GNAQ: variants seen among roughly 807,000 people sequenced by gnomAD.
GNAQ encodes the protein guanine nucleotide-binding protein G(q) subunit alpha.
Under a neutral mutation model 43.9 loss-of-function variants are expected in GNAQ, and 8 were observed. That is an observed-to-expected ratio of 0.18 (90% confidence interval 0.11 to 0.33). The LOEUF (loss-of-function observed/expected upper bound fraction) is 0.33, where lower values mean the gene tolerates loss of function less well. Among genes scored for constraint, GNAQ ranks in the 10% least tolerant of loss-of-function variants. The pLI is 1.00. For missense variants in GNAQ, 158 were observed against 450.8 expected, an observed-to-expected ratio of 0.35 and a Z score of 5.88; for synonymous variants, 155 against 170.7, an observed-to-expected ratio of 0.91 and a Z score of 0.71.
At chr9:78,001,182 G>C (rs1215132693) in intron 1 of GNAQ, among the ~76,000 whole-genome samples, 2 of 152,122 alleles carry the variant, frequency 1.3e-5, no homozygotes, top group South Asian at 2.1e-4. Flanking sequence ...CAGATCACTT[G>C]AGGTCAGGAG....
At chr9:77,950,976 C>A (rs556808897) in intron 1 of GNAQ, among the ~76,000 whole-genome samples, 1 of 151,496 alleles carries the variant, frequency 6.6e-6, no homozygotes, top group African/African-American at 2.4e-5. Context: ...AAGCTACATT[C>A]TTTAGATAAG....
At chr9:77,839,964 G>T (rs1449308898) in intron 2 of GNAQ, among the ~76,000 whole-genome samples, 1 of 152,140 alleles carries the variant, frequency 6.6e-6, no homozygotes, top group Non-Finnish European at 1.5e-5. Context: ...TTGAACTTTG[G>T]ACTGTTTTAT....
chr9:77,727,275 C>T (rs1825411617), intron 6 of GNAQ, among the ~76,000 whole-genome samples: 1 of 152,102 alleles, frequency 6.6e-6, no homozygotes, highest in African/African-American at 2.4e-5. Context: ...ACCTCAGTCT[C>T]CCAAAGTGCT....
intron 3 of GNAQ, among the ~76,000 whole-genome samples, chr9:77,806,466 A>G (rs894117588): frequency 6.6e-6 from 1 of 152,206 alleles, no homozygotes; most frequent in African/African-American, 2.4e-5. Context: ...CTTTGCCTTT[A>G]GGGATTTCAG....
chr9:77,973,854 A>G (rs1174426318), intron 1 of GNAQ, among the ~76,000 whole-genome samples: 1 of 152,168 alleles, frequency 6.6e-6, no homozygotes, highest in African/African-American at 2.4e-5. Context: ...CTTCATGTTC[A>G]ATCTTAGAGA....
intron 5 of GNAQ, among the ~76,000 whole-genome samples, chr9:77,787,350 C>T (rs1001627967): frequency 2.0e-5 from 3 of 152,212 alleles, no homozygotes; most frequent in African/African-American, 7.2e-5. Flanking sequence ...TGGCAAAGTT[C>T]TGTTTCTTGA....
At chr9:77,962,831 G>A (rs2118426845) in intron 1 of GNAQ, among the ~76,000 whole-genome samples, 1 of 146,548 alleles carries the variant, frequency 6.8e-6, no homozygotes, top group South Asian at 2.2e-4. Flanking sequence ...GGCAGAGGTT[G>A]CAGTGAGCCA....
At chr9:77,831,390 C>G (rs893063037) in intron 2 of GNAQ, among the ~76,000 whole-genome samples, 1 of 152,166 alleles carries the variant, frequency 6.6e-6, no homozygotes, top group African/African-American at 2.4e-5. Flanking sequence ...TAGTATCCCA[C>G]ACCAAAATCA....
In GNAQ at chr9:77,718,316, C is replaced by T; in HGVS notation, c.*3007G>A. 1 of 232,422 alleles carries T rather than the reference C, an allele frequency of 4.3e-6. No individual in the cohort carries two copies. Among genetic ancestry groups the T allele is most frequent in the Non-Finnish European group, 8.5e-6 (1 of 117,528 alleles). The allele number at this position is 232,422 out of a possible 1,614,324, so 14.4% of individuals were successfully genotyped here. A position where few individuals can be genotyped will look rare whatever the true frequency, so the allele number is the denominator to read the frequency against. On this transcript the variant is annotated 3_prime_UTR_variant, in exon 7 of 7. Transcript: ENST00000286548. ...GTTTTTATACAAAACTGAAAAGAATCCCGTCCCGCCCCTAGCCCCTTCAAT... is the reference window on the plus strand; with the variant it reads ...GTTTTTATACAAAACTGAAAAGAATTCCGTCCCGCCCCTAGCCCCTTCAAT...
intron 2 of GNAQ, among the ~76,000 whole-genome samples, chr9:77,870,617 G>A (rs369800369): frequency 4.6e-5 from 7 of 151,718 alleles, no homozygotes; most frequent in Admixed American, 1.3e-4. Context: ...GAGCCACCGC[G>A]CCCCGCCTTT....
intron 5 of GNAQ, among the ~76,000 whole-genome samples, chr9:77,748,491 G>A (rs924134584): frequency 6.6e-6 from 1 of 152,210 alleles, no homozygotes; most frequent in African/African-American, 2.4e-5. Flanking sequence ...CCTTCTGCAA[G>A]CACTACAGTA....
At chr9:77,753,100 A>AG (rs1361237233) in intron 5 of GNAQ, among the ~76,000 whole-genome samples, 1 of 151,468 alleles carries the variant, frequency 6.6e-6, no homozygotes, top group Non-Finnish European at 1.5e-5. Context: ...AAAAAAAAAA[A>AG]AAAAAAGAAA....
intron 5 of GNAQ, 21 bp downstream of exon 5, chr9:77,794,442 G>A (rs776746152): frequency 6.5e-7 from 1 of 1,531,166 alleles, no homozygotes. Context: ...ATAATCCATT[G>A]CCTGTCTAAA....
At chr9:77,791,814 T>C (rs1240376568) in intron 5 of GNAQ, among the ~76,000 whole-genome samples, 1 of 152,118 alleles carries the variant, frequency 6.6e-6, no homozygotes, top group Non-Finnish European at 1.5e-5. Flanking sequence ...CACAAATATA[T>C]ACCAAGGGAG....
chr9:77,962,892 CAAAA>C (rs538653191), intron 1 of GNAQ, among the ~76,000 whole-genome samples: 1 of 55,238 alleles, frequency 1.8e-5, no homozygotes, highest in Non-Finnish European at 3.7e-5. Flanking sequence ...AACTTAGTCT[CAAAA>C]AAAAAAAAAA....
rs999531515 is a variant in GNAQ at position 77,815,878 on chromosome 9, G to C, written c.322-108C>G. 4 of 664,784 alleles carry C rather than the reference G, an allele frequency of 6.0e-6. No homozygotes were observed. In the African/African-American group the frequency reaches 7.4e-5, roughly 12 times the overall value. 41.2% of individuals were successfully genotyped at this position (664,784 alleles called of 1,614,324 possible). On this transcript the variant is annotated intron_variant, in intron 2 of 6. Coordinates refer to ENST00000286548, the MANE Select transcript of GNAQ (RefSeq NM_002072.5). ...CAGGTAACACCTTCCTTCATATACT[G>C]GTCTTTACACTGGTTTACAATAAAG... is the stretch of plus-strand genomic sequence containing the variant.
At chr9:77,792,388 T>C (rs1826589449) in intron 5 of GNAQ, among the ~76,000 whole-genome samples, 1 of 152,170 alleles carries the variant, frequency 6.6e-6, no homozygotes. Flanking sequence ...TCTTAGTACC[T>C]GTACATTGAA....
At chr9:77,953,327 A>G (rs959670946) in intron 1 of GNAQ, among the ~76,000 whole-genome samples, 1 of 152,228 alleles carries the variant, frequency 6.6e-6, no homozygotes, top group Non-Finnish European at 1.5e-5. Flanking sequence ...CATGTCTCTC[A>G]ACAAAATCAT....
chr9:77,830,418 T>C (rs1239720022), intron 2 of GNAQ, among the ~76,000 whole-genome samples: 1 of 152,192 alleles, frequency 6.6e-6, no homozygotes, highest in African/African-American at 2.4e-5. Context: ...ATTTAATGCA[T>C]GGAGTAACAA....
Sources: gnomAD v4.1 joint callset for allele counts (sites outside exome capture counted in the v4.1 genomes callset) on GRCh38, gnomAD v4.1.1 for gene constraint, MANE v1.5 for transcripts, NCBI Gene and HGNC (gene_info 2026-07-23, HGNC 2026-07-21) for gene names.